Variants in ZFYVE26 observed in about 807,000 individuals in gnomAD.
ZFYVE26 encodes zinc finger FYVE-type containing 26.
In ZFYVE26, 181 loss-of-function variants were observed where a neutral mutation model predicts 276.5. The ratio of observed to expected loss-of-function variants is 0.65; its 90% CI spans 0.58 to 0.74. ZFYVE26 has a LOEUF of 0.74. Ranked by LOEUF, ZFYVE26 falls within the 30% of genes least tolerant of loss-of-function variation. The pLI is 0.00. For synonymous variants in ZFYVE26, 1,129 were observed against 1,203.1 expected (o/e 0.94, Z 1.27); for missense variants, 2,821 against 3,097.9 (o/e 0.91, Z 2.12).
chr14:67,805,341 C>T (rs758887238), intron 7 of ZFYVE26, 36 bp from the exon 8 acceptor site: 1 of 1,613,856 alleles, frequency 6.2e-7, no homozygotes, highest in Non-Finnish European at 8.5e-7. Context: ...GATGCTGACT[C>T]AGGCACCTGG....
chr14:67,807,832 G>A lies in ZFYVE26; in HGVS notation c.452C>T (p.Ser151Phe), dbSNP rs755266663. The change falls in exon 5 of 42, where the codon TCC becomes TTC. Residue 151 changes from serine (S) to phenylalanine (F), a missense_variant. Ser to Phe is a radical substitution (Grantham distance 155). Coordinates refer to ENST00000347230, the MANE Select transcript of ZFYVE26 (RefSeq NM_015346.4). ...ATCCCAGAGCACAGAGACAGCTTCG[G>A]AGCTGAGACGAGGAGTCCAGCTCTC... ...RRESWTPRLS[S>F]EAVSVLWDLL... The A allele has an allele frequency of 8.1e-6, 13 of 1,613,898 alleles. No homozygotes were observed. The African/African-American group carries it at 1.7e-4, about 22-fold the overall frequency.
chr14:67,807,602 G>A lies in ZFYVE26; in HGVS notation c.682C>T (p.Pro228Ser). 6.2e-7 allele frequency: 1 copy of A among 1,614,184 alleles called. No homozygotes were observed. Among genetic ancestry groups the A allele is most frequent in the Non-Finnish European group, 8.5e-7 (1 of 1,180,020 alleles). The change falls in exon 5 of 42, where the codon CCC becomes TCC. Residue 228 changes from proline (P) to serine (S), a missense_variant. Physicochemically the swap from Pro to Ser is moderately conservative, Grantham distance 74 (BLOSUM62 -1). Coordinates refer to ENST00000347230, the MANE Select transcript of ZFYVE26 (RefSeq NM_015346.4). ...AACTCAACCCCAAGTGGTTCTGCGG[G>A]GCAACGCAGAGTCCGCAGGGCTCCA... ...IYGALRTLRC[P>S]AEPLGVELHL...
intron 3 of ZFYVE26, among the ~76,000 whole-genome samples, chr14:67,813,565 T>A (rs186468169): frequency 1.3e-3 from 203 of 152,276 alleles, no homozygotes; most frequent in Non-Finnish European, 2.0e-3. Flanking sequence ...AAACTATGAA[T>A]TAATGGAATT....
At chr14:67,779,652 T>C (rs529043822) in intron 23 of ZFYVE26, among the ~76,000 whole-genome samples, 110 of 152,192 alleles carry the variant, frequency 7.2e-4, no homozygotes, top group South Asian at 2.5e-3. Context: ...GGGGTGAGTG[T>C]TTTGAAGTGT....
intron 8 of ZFYVE26, among the ~76,000 whole-genome samples, chr14:67,804,779 A>G (rs2040143295): frequency 1.3e-5 from 2 of 152,238 alleles, no homozygotes; most frequent in African/African-American, 4.8e-5. Context: ...CGTAAGACTA[A>G]GAATGTGGAT....
chr14:67,759,304 A>T (rs1372325474), intron 35 of ZFYVE26, among the ~76,000 whole-genome samples: 1 of 150,372 alleles, frequency 6.7e-6, no homozygotes, highest in Non-Finnish European at 1.5e-5. Flanking sequence ...AGGTAGAAGA[A>T]ATAGCACATA....
In ZFYVE26 at chr14:67,747,275, C is replaced by T. The variant is rs953035266; in HGVS notation, c.*1161G>A. The T allele has an allele frequency of 6.6e-6, 1 of 152,186 alleles. No individual in the cohort carries two copies. Among genetic ancestry groups the T allele is most frequent in the African/African-American group, 2.4e-5 (1 of 41,432 alleles). The allele number at this position is 152,186 out of a possible 1,614,324, so 9.4% of individuals were successfully genotyped here. A position where few individuals can be genotyped will look rare whatever the true frequency, so the allele number is the denominator to read the frequency against. ...CTAGTTTTCCACCAACCAGATGTGA[C>T]CTATTCATTATTCCCTCATTCTGAC... On this transcript the variant is annotated 3_prime_UTR_variant, in exon 42 of 42. Coordinates refer to ENST00000347230, the MANE Select transcript of ZFYVE26 (RefSeq NM_015346.4).
chr14:67,811,114 G>T (rs1201168044), intron 3 of ZFYVE26, among the ~76,000 whole-genome samples: 1 of 152,192 alleles, frequency 6.6e-6, no homozygotes, highest in Non-Finnish European at 1.5e-5. Flanking sequence ...TAAAATTCAT[G>T]CTGGGAAGCT....
chr14:67,730,295 A>G (rs77718590), intron 13 of ZFYVE26, among the ~76,000 whole-genome samples: 16,493 of 152,208 alleles, frequency 0.11, 949 homozygotes, highest in Middle Eastern at 0.26. Context: ...GCCATTCAGT[A>G]TGGTAGCCAC....
At chr14:67,755,453 AG>A (rs2038753603) in intron 36 of ZFYVE26, among the ~76,000 whole-genome samples, 1 of 152,158 alleles carries the variant, frequency 6.6e-6, no homozygotes, top group Non-Finnish European at 1.5e-5. Flanking sequence ...GCTCTTGGGT[AG>A]GACATTATTC....
chr14:67,762,233 T>TA lies in ZFYVE26; in HGVS notation c.6338dup (p.Glu2114ArgfsTer13). On this transcript the variant is annotated frameshift_variant, in exon 34 of 42. Coordinates refer to ENST00000347230, the MANE Select transcript of ZFYVE26 (RefSeq NM_015346.4). LOFTEE classifies it high-confidence loss of function. ...ATACAAAGGGCCTCACTGTGGACTCTAGGTACTCAACCACATCCTGCACCA... is the reference window on the plus strand; with the variant it reads ...ATACAAAGGGCCTCACTGTGGACTCTAAGGTACTCAACCACATCCTGCACCA... 6.2e-7 allele frequency: 1 copy of TA among 1,614,158 alleles called. No homozygotes were observed. The highest frequency in any genetic ancestry group is 8.5e-7 in the Non-Finnish European group (1 of 1,180,026).
chr14:67,742,246 AG>A (rs1215870855), downstream of ZFYVE26, among the ~76,000 whole-genome samples: 2 of 152,190 alleles, frequency 1.3e-5, no homozygotes, highest in East Asian at 3.8e-4. Context: ...GACTGTGAGG[AG>A]GGGTAAATGG....
At position 67,803,466 on chromosome 14, in the gene ZFYVE26, C is replaced by T. The variant is rs79292446; in HGVS notation, c.1435+635G>A. The stretch of plus-strand genomic sequence containing the variant: ...AAGTGATTCTCCTGCCTCAGCCTCC[C>T]GTGTAGCTGGGATTACAGGCGCGCA... On this transcript the variant is annotated intron_variant, in intron 9 of 41. Transcript: ENST00000347230. 9.6e-4 allele frequency among the ~76,000 whole-genome samples: 146 copies of T among 152,132 alleles called. 4 individuals carry two copies. In the East Asian group the frequency reaches 0.027, roughly 28 times the overall value.
rs2038930231 is a variant in ZFYVE26, at chr14:67,761,545, C to A, written c.6409G>T (p.Ala2137Ser). The A allele has an allele frequency of 1.2e-6, 2 of 1,614,208 alleles. No homozygotes were observed. Among genetic ancestry groups the A allele is most frequent in the African/African-American group, 2.7e-5 (2 of 75,052 alleles). ...DYFATLRELE[A>S]TLRTQSLSLA... ...GAAAGGCTCTGCGTCCGAAGGGTAG[C>A]TTCCAGTTCCCTCAGGGTGGCAAAG... Residue 2137 changes from alanine to serine, a missense_variant, in exon 35 of 42, where the codon GCT becomes TCT. Ala to Ser is a moderately conservative substitution (Grantham distance 99, BLOSUM62 1). Coordinates refer to ENST00000347230, the MANE Select transcript of ZFYVE26 (RefSeq NM_015346.4).
intron 21 of ZFYVE26, 75 bp downstream of exon 21, chr14:67,782,705 T>A (rs1055683463): frequency 1.3e-6 from 2 of 1,595,538 alleles, no homozygotes; most frequent in African/African-American, 2.7e-5. Flanking sequence ...ACCGTGAGGA[T>A]TAAATGTGAT....
At chr14:67,809,972 G>C (rs2040266368) in intron 3 of ZFYVE26, among the ~76,000 whole-genome samples, 1 of 151,346 alleles carries the variant, frequency 6.6e-6, no homozygotes, top group South Asian at 2.1e-4. Context: ...TTGTAGTAGA[G>C]ATGGGGTTTC....
In ZFYVE26 at chr14:67,814,034, T is replaced by C; in HGVS notation, c.225A>G (p.Val75=). 6.2e-7 allele frequency: 1 copy of C among 1,614,024 alleles called. No homozygotes were observed. Among genetic ancestry groups the C allele is most frequent in the Non-Finnish European group, 8.5e-7 (1 of 1,179,956 alleles). The part of the protein sequence containing the change: ...RCGQDINPQR[V]AWVWLLVLEK... ...CCAGTACAAGAAGCCAGACCCAGGC[T>C]ACTCTTTGAGGGTTGATGTCCTGCC... Residue 75 remains valine, a synonymous_variant, in exon 3 of 42, where the codon GTA becomes GTG. Transcript: ENST00000347230.
chr14:67,743,106 G>A (rs1168981247), downstream of ZFYVE26, among the ~76,000 whole-genome samples: 1 of 151,878 alleles, frequency 6.6e-6, no homozygotes, highest in East Asian at 1.9e-4. Flanking sequence ...CCAAAGTGTT[G>A]GGTTATAGGC....
At chr14:67,816,089 G>T in intron 1 of ZFYVE26, 43 bp from the exon 2 acceptor site, 1 of 757,464 alleles carries the variant, frequency 1.3e-6, no homozygotes, top group Non-Finnish European at 2.1e-6. Context: ...AGAAGGCACT[G>T]TATTAAGACA....
Sources: allele counts gnomAD v4.1 joint callset (sites outside exome capture counted in the v4.1 genomes callset), GRCh38; gene constraint gnomAD v4.1.1; transcripts MANE v1.5; gene names NCBI Gene and HGNC (gene_info 2026-07-23, HGNC 2026-07-21).